MUC5B: variants seen among roughly 807,000 people sequenced by gnomAD.
MUC5B encodes mucin 5B, oligomeric mucus/gel-forming.
In MUC5B, 116 loss-of-function variants were observed where a neutral mutation model predicts 376.9. The ratio of observed to expected loss-of-function variants is 0.31; its 90% CI spans 0.26 to 0.36. MUC5B has a LOEUF of 0.36. MUC5B is among the 10% of genes least tolerant of loss of function. MUC5B has a pLI of 1.00. For missense variants in MUC5B, 7,165 were observed against 7,769.9 expected (o/e 0.92, Z 2.93); for synonymous variants, 3,517 against 3,390.9 (o/e 1.04, Z -1.29).
In MUC5B at chr11:1,231,443, C is replaced by A; in HGVS notation, c.1561C>A (p.Pro521Thr). 1 of 1,612,048 alleles carries A rather than the reference C, an allele frequency of 6.2e-7. No individual in the cohort carries two copies. Among genetic ancestry groups the A allele is most frequent in the Non-Finnish European group, 8.5e-7 (1 of 1,179,548 alleles). Reference protein sequence around the residue: ...LSAANITLFTPSSFFIVVQTG... With the variant: ...LSAANITLFTTSSFFIVVQTG... ...GGCAGCCAACATCACCCTGTTCACA[C>A]CCTCGAGCTTCTTCATCGTGGTGCA... Residue 521 changes from proline to threonine, a missense_variant, in exon 14 of 49, where the codon CCC becomes ACC. By Grantham distance (38) the Pro-to-Thr change is conservative. Coordinates refer to ENST00000529681, the MANE Select transcript of MUC5B (RefSeq NM_002458.3).
chr11:1,247,867 G>C lies in MUC5B; in HGVS notation c.10987G>C (p.Val3663Leu). The C allele has an allele frequency of 1.9e-6, 3 of 1,610,346 alleles. No homozygotes were observed. The highest frequency in any genetic ancestry group is 2.5e-6 in the Non-Finnish European group (3 of 1,178,730). The change falls in exon 31 of 49, where the codon GTG becomes CTG. Residue 3663 changes from valine (V) to leucine (L), a missense_variant. Coordinates refer to ENST00000529681, the MANE Select transcript of MUC5B (RefSeq NM_002458.3). ...FKMCFNYEIRVFCCNYGHCPS... is the reference protein window; with the variant it reads ...FKMCFNYEIRLFCCNYGHCPS... The stretch of plus-strand genomic sequence containing the variant: ...GATGTGCTTCAACTATGAAATCCGT[G>C]TGTTCTGCTGCAACTACGGCCACTG...
chr11:1,231,292 C>T (rs1862022222), intron 13 of MUC5B, 131 bp from the exon 14 acceptor site: 2 of 1,155,008 alleles, frequency 1.7e-6, no homozygotes, highest in Non-Finnish European at 1.2e-6. Context: ...AGCCTGAGGG[C>T]TCCTGGCCAC....
rs374646616 is a variant in MUC5B, at chr11:1,246,540, C to T, written c.9660C>T (p.Thr3220=). 1,206 of 1,613,366 alleles carry T rather than the reference C, an allele frequency of 7.5e-4. 1 individual carries two copies. The highest frequency in any genetic ancestry group is 9.3e-4 in the Non-Finnish European group (1,099 of 1,179,652). Residue 3220 remains threonine (T), a synonymous_variant, in exon 31 of 49, where the codon ACC becomes ACT. Coordinates refer to ENST00000529681, the MANE Select transcript of MUC5B (RefSeq NM_002458.3). ...ATPSSSPGTA[T]ALPALRSTAT... ...CCTCCTCCAGTCCAGGGACTGCAAC[C>T]GCCCTTCCAGCACTGAGAAGCACAG...
rs1862564639 is a variant in MUC5B, at chr11:1,248,516, C to G, written c.11636C>G (p.Ser3879Cys). The G allele has an allele frequency of 6.2e-7, 1 of 1,612,976 alleles. No homozygotes were observed. Reference protein sequence around the residue: ...TTTGFTVTPSSSPGTARTPPV... With the variant: ...TTTGFTVTPSCSPGTARTPPV... ...ACGGGCTTCACAGTCACCCCCTCCTCCAGCCCAGGGACGGCACGCACGCCT... is the reference window on the plus strand; with the variant it reads ...ACGGGCTTCACAGTCACCCCCTCCTGCAGCCCAGGGACGGCACGCACGCCT... The change falls in exon 31 of 49, where the codon TCC becomes TGC. Residue 3879 changes from serine to cysteine, a missense_variant. Transcript: ENST00000529681.
chr11:1,250,059 A>G lies in MUC5B; in HGVS notation c.13179A>G (p.Thr4393=), dbSNP rs531546683. Residue 4393 remains threonine, a synonymous_variant, in exon 31 of 49, where the codon ACA becomes ACG. Transcript: ENST00000529681. ...SSTPGTTWIL[T]ELTTAATTTA... The stretch of plus-strand genomic sequence containing the variant: ...CTCCGGGGACGACCTGGATCCTCAC[A>G]GAGCTGACCACAGCAGCCACTACAA... 1.3e-5 allele frequency: 20 copies of G among 1,595,286 alleles called. 1 individual carries two copies. In the South Asian group the frequency reaches 1.5e-4, roughly 12 times the overall value.
At chr11:1,236,277 C>A in intron 23 of MUC5B, 109 bp from the exon 24 acceptor site, 2 of 1,120,358 alleles carry the variant, frequency 1.8e-6, no homozygotes, top group South Asian at 1.7e-5. Context: ...GCCGCTTGTG[C>A]TAAGAGCCCG....
rs1023066490 is a variant in MUC5B at position 1,230,146 on chromosome 11, C to T, written c.1359+3C>T. 5.6e-6 allele frequency: 9 copies of T among 1,594,598 alleles called. No individual in the cohort carries two copies. The highest frequency in any genetic ancestry group is 6.8e-6 in the Non-Finnish European group (8 of 1,172,032). On this transcript the variant is annotated splice_donor_region_variant and intron_variant, in intron 11 of 48. Transcript: ENST00000529681. Reference sequence around the variant, plus strand: ...ACTGCAGCTACGTTCTGTCCAAGGTCTGGGCTTGGGGCCGGGTCTTCAGAC... The same window carrying T: ...ACTGCAGCTACGTTCTGTCCAAGGTTTGGGCTTGGGGCCGGGTCTTCAGAC...
At chr11:1,252,027 T>C (rs1862715226) in intron 31 of MUC5B, among the ~76,000 whole-genome samples, 1 of 151,504 alleles carries the variant, frequency 6.6e-6, no homozygotes, top group Non-Finnish European at 1.5e-5. Context: ...CTGGACACAA[T>C]CCATCCCCAC....
rs544480788 is a variant in MUC5B, at chr11:1,241,615, T to G, written c.4735T>G (p.Trp1579Gly). The G allele has an allele frequency of 9.3e-6, 15 of 1,612,364 alleles. No homozygotes were observed. In the East Asian group the frequency reaches 3.1e-4, roughly 34 times the overall value. The change falls in exon 31 of 49, where the codon TGG becomes GGG. Residue 1579 changes from tryptophan to glycine, a missense_variant. Transcript: ENST00000529681. ...CCACTTCGGCCTGGTGTGCAGGAAC[T>G]GGGAGCAGGAGGGCGTCTTCAAGAT... ...DVHFGLVCRN[W>G]EQEGVFKMCY...
chr11:1,250,577 C>G lies in MUC5B; in HGVS notation c.13697C>G (p.Thr4566Ser). ...ACTGTCCACACCTCCACAGTGCTTA[C>G]CGCCACGGCCACCACAACCGGGGCC... The part of the protein sequence containing the change: ...PETVHTSTVL[T>S]ATATTTGATG... Residue 4566 changes from threonine to serine, a missense_variant, in exon 31 of 49, where the codon ACC becomes AGC. Thr to Ser is a moderately conservative substitution (Grantham distance 58). Coordinates refer to ENST00000529681, the MANE Select transcript of MUC5B (RefSeq NM_002458.3). The G allele has an allele frequency of 6.2e-7, 1 of 1,613,712 alleles. No homozygotes were observed. The highest frequency in any genetic ancestry group is 8.5e-7 in the Non-Finnish European group (1 of 1,179,832).
At position 1,231,010 on chromosome 11, in the gene MUC5B, G is replaced by T; in HGVS notation, c.1540+5G>T. The T allele has an allele frequency of 6.3e-7, 1 of 1,588,870 alleles. No homozygotes were observed. Among genetic ancestry groups the T allele is most frequent in the African/African-American group, 1.3e-5 (1 of 74,434 alleles). The stretch of plus-strand genomic sequence containing the variant: ...CGCAGCTGCCCCTGTCGGCAGGTAT[G>T]TGGCTCTCCCAGGACGGCCGGGCTG... On this transcript the variant is annotated splice_donor_5th_base_variant and intron_variant, in intron 13 of 48. Transcript: ENST00000529681.
At chr11:1,252,221 C>G (rs1434806096) in intron 31 of MUC5B, 122 bp from the exon 32 acceptor site, 2 of 990,290 alleles carry the variant, frequency 2.0e-6, no homozygotes, top group African/African-American at 3.3e-5. Flanking sequence ...CCTCTGCCCT[C>G]TCCACTCCCT....
At chr11:1,260,897 A>G (rs1452344589) in intron 48 of MUC5B, among the ~76,000 whole-genome samples, 169 bp downstream of exon 48, 1 of 152,178 alleles carries the variant, frequency 6.6e-6, no homozygotes, top group Non-Finnish European at 1.5e-5. Flanking sequence ...ATTGGCAGAA[A>G]GCCTGGGGCC....
chr11:1,223,274 C>T, intron 1 of MUC5B, 81 bp downstream of exon 1: 1 of 701,524 alleles, frequency 1.4e-6, no homozygotes, highest in Non-Finnish European at 2.6e-6. Context: ...GGGAGCTTCT[C>T]CTGCAGAGTG....
At chr11:1,251,812 C>T in intron 31 of MUC5B, 69 bp downstream of exon 31, 1 of 1,168,340 alleles carries the variant, frequency 8.6e-7, no homozygotes. Context: ...TCTGCCTGTC[C>T]TGGGAGCCAG....
In MUC5B at chr11:1,246,099, C is replaced by T. The variant is rs370975937; in HGVS notation, c.9219C>T (p.Thr3073=). 28 of 1,612,854 alleles carry T rather than the reference C, an allele frequency of 1.7e-5. 1 individual carries two copies. The African/African-American group carries it at 3.5e-4, about 20-fold the overall frequency. ...ATSFTPIPSF[T]LGTTGTLPEQ... ...GCTTTACACCCATCCCCTCCTTCAC[C>T]CTTGGGACCACCGGGACCCTCCCAG... Residue 3073 remains threonine (T), a synonymous_variant, in exon 31 of 49, where the codon ACC becomes ACT. Coordinates refer to ENST00000529681, the MANE Select transcript of MUC5B (RefSeq NM_002458.3).
intron 39 of MUC5B, 55 bp downstream of exon 39, chr11:1,256,826 C>T (rs1039787235): frequency 8.4e-6 from 12 of 1,425,822 alleles, no homozygotes; most frequent in Non-Finnish European, 1.1e-5. Flanking sequence ...CAAGCACACA[C>T]AGGGTGGGAG....
chr11:1,251,105 C>A lies in MUC5B; in HGVS notation c.14225C>A (p.Ala4742Asp). The change falls in exon 31 of 49, where the codon GCC becomes GAC. Residue 4742 changes from alanine (A) to aspartate (D), a missense_variant. By Grantham distance (126) the Ala-to-Asp change is moderately radical. This residue lies in a region of MUC5B where 730 missense variants were observed against 592.7 expected (regional missense o/e 1.23). Coordinates refer to ENST00000529681, the MANE Select transcript of MUC5B (RefSeq NM_002458.3). The stretch of plus-strand genomic sequence containing the variant: ...ACCCTTCCAGTGCTGACAAGCACAG[C>A]CACAAAATCCACAGCTACCAGCTTT... ...ATTLPVLTST[A>D]TKSTATSFTP... 1.9e-6 allele frequency: 3 copies of A among 1,611,390 alleles called. No homozygotes were observed. Among genetic ancestry groups the A allele is most frequent in the Non-Finnish European group, 2.5e-6 (3 of 1,178,286 alleles).
Position 1,235,384 on chromosome 11 carries a change from T to A in MUC5B, c.2851T>A (p.Cys951Ser). ...NIPCGTTGTTCSKAIKLFVES... is the reference protein window; with the variant it reads ...NIPCGTTGTTSSKAIKLFVES... ...CCCCTGTGGGACCACCGGCACCACCTGCTCCAAGGCCATCAAGCTCTTCGT... is the reference window on the plus strand; with the variant it reads ...CCCCTGTGGGACCACCGGCACCACCAGCTCCAAGGCCATCAAGCTCTTCGT... The change falls in exon 23 of 49, where the codon TGC becomes AGC. Residue 951 changes from cysteine (C) to serine (S), a missense_variant. By Grantham distance (112) the Cys-to-Ser change is moderately radical. Transcript: ENST00000529681. 6.2e-7 allele frequency: 1 copy of A among 1,611,156 alleles called. No homozygotes were observed. The highest frequency in any genetic ancestry group is 2.2e-5 in the East Asian group (1 of 44,812).
Sources: allele counts gnomAD v4.1 joint callset (sites outside exome capture counted in the v4.1 genomes callset), GRCh38; gene constraint gnomAD v4.1.1; regional missense constraint gnomAD v4.1.1; transcripts MANE v1.5; gene names NCBI Gene and HGNC (gene_info 2026-07-23, HGNC 2026-07-21).